SLC36A3: variants seen among roughly 807,000 people sequenced by gnomAD.
The protein encoded by SLC36A3 is proton-coupled amino acid transporter 3.
SLC36A3 carries 35 observed loss-of-function variants against 44.3 expected under a neutral mutation model. The ratio of observed to expected loss-of-function variants is 0.79; its 90% CI spans 0.60 to 1.05. The LOEUF (loss-of-function observed/expected upper bound fraction) is 1.05. SLC36A3 is among the 50% of genes least tolerant of loss of function. The probability of loss-of-function intolerance (pLI) is 0.00; values close to 1 mark genes in which losing one functional copy is unlikely to be tolerated. For missense variants in SLC36A3, 540 were observed against 578.7 expected (o/e 0.93, Z 0.69); for synonymous variants, 211 against 227.6 (o/e 0.93, Z 0.66).
At chr5:151,295,695 A>G (rs900319838) in intron 3 of SLC36A3, among the ~76,000 whole-genome samples, 25 of 152,218 alleles carry the variant, frequency 1.6e-4, no homozygotes, top group Admixed American at 3.3e-4. Context: ...ATTGATTATT[A>G]TAAGTATGCT....
At chr5:151,289,315 T>A (rs935243466) in intron 4 of SLC36A3, among the ~76,000 whole-genome samples, 1 of 152,112 alleles carries the variant, frequency 6.6e-6, no homozygotes, top group Non-Finnish European at 1.5e-5. Context: ...CAATTCTCTC[T>A]AAAGTACCTT....
At chr5:151,294,743 C>A (rs1219908626) in intron 3 of SLC36A3, among the ~76,000 whole-genome samples, 1 of 151,948 alleles carries the variant, frequency 6.6e-6, no homozygotes, top group Non-Finnish European at 1.5e-5. Flanking sequence ...GATTCTCCTG[C>A]CTCAGCCTCC....
intron 9 of SLC36A3, among the ~76,000 whole-genome samples, chr5:151,279,426 T>C (rs10061997): frequency 0.23 from 34,339 of 152,152 alleles, 6,211 homozygotes; most frequent in African/African-American, 0.5. Flanking sequence ...CAATGCCAGG[T>C]ATGTAGTAGG....
chr5:151,290,365 T>C (rs1179873825), intron 4 of SLC36A3, among the ~76,000 whole-genome samples: 1 of 152,184 alleles, frequency 6.6e-6, no homozygotes, highest in Non-Finnish European at 1.5e-5. Flanking sequence ...TTCAGAATAA[T>C]ATCTTTTTCT....
Position 151,296,127 on chromosome 5 carries a change from C to T in SLC36A3, c.308+53G>A, listed in dbSNP as rs982268401. The T allele has an allele frequency of 1.8e-5, 28 of 1,558,236 alleles. No homozygotes were observed. In the African/African-American group the frequency reaches 3.8e-4, roughly 21 times the overall value. On this transcript the variant is annotated intron_variant, in intron 3 of 9. Coordinates refer to ENST00000335230, the MANE Select transcript of SLC36A3 (RefSeq NM_181774.4). Reference sequence around the variant, plus strand: ...GGGTCAGTGGTCAAAAGAAGAGCAACACACCCTCAGAGGGGCCCCAGTGCT... The same window carrying T: ...GGGTCAGTGGTCAAAAGAAGAGCAATACACCCTCAGAGGGGCCCCAGTGCT...
At position 151,298,669 on chromosome 5, in the gene SLC36A3, A is replaced by G. The variant is rs757040190; in HGVS notation, c.143T>C (p.Leu48Ser). The G allele has an allele frequency of 8.1e-6, 13 of 1,614,052 alleles. No homozygotes were observed. In the East Asian group the frequency reaches 1.8e-4, roughly 22 times the overall value. ...GEAGLSMMQT[L>S]IHLLKCNIGT... ...AATGTTGCATTTCAACAAGTGGATC[A>G]AAGTTTGCATCATCCTGTGGTGGGG... The change falls in exon 2 of 10, where the codon TTG becomes TCG. Residue 48 changes from leucine to serine, a missense_variant. Coordinates refer to ENST00000335230, the MANE Select transcript of SLC36A3 (RefSeq NM_181774.4).
chr5:151,280,929 T>G (rs1179436331), intron 9 of SLC36A3, 85 bp downstream of exon 9: 2 of 1,535,900 alleles, frequency 1.3e-6, no homozygotes, highest in African/African-American at 2.7e-5. Flanking sequence ...AGAAGGCAAG[T>G]GGCAGATCCA....
chr5:151,279,785 C>T (rs774010823), intron 9 of SLC36A3, among the ~76,000 whole-genome samples: 1 of 152,224 alleles, frequency 6.6e-6, no homozygotes, highest in South Asian at 2.1e-4. Context: ...TTCTGCTGCA[C>T]AGCTCCAAGC....
chr5:151,283,447 C>A (rs1754403326), intron 8 of SLC36A3, among the ~76,000 whole-genome samples: 1 of 152,192 alleles, frequency 6.6e-6, no homozygotes, highest in South Asian at 2.1e-4. Context: ...CTGTCCAAGG[C>A]AGCTAGTGAC....
rs1414376561 is a variant in SLC36A3, at chr5:151,284,700, A to T, written c.720T>A (p.Tyr240Ter). Residue 240 changes from tyrosine to a stop codon, truncating the protein, a stop_gained, in exon 7 of 10, where the codon TAT (tyrosine) becomes TAA (stop). Transcript: ENST00000335230. LOFTEE classifies it high-confidence loss of function. ...TTGCCATCAAGGGTAGGTTGCTGGG[A>T]TATGGAATCCCCTAAAAGAAAGTGG... ...IFEYIMEGIP[Y>*]PSNLPLMANW... 1 of 1,612,572 alleles carries T rather than the reference A, an allele frequency of 6.2e-7. No homozygotes were observed. Among genetic ancestry groups the T allele is most frequent in the Non-Finnish European group, 8.5e-7 (1 of 1,179,110 alleles).
intron 8 of SLC36A3, among the ~76,000 whole-genome samples, chr5:151,283,551 A>G (rs1005905390): frequency 6.6e-6 from 1 of 152,208 alleles, no homozygotes; most frequent in Non-Finnish European, 1.5e-5. Flanking sequence ...TTATTGTCTC[A>G]TCTAGTCATT....
At chr5:151,299,258 CTCTCTCTATATATATATATA>C (rs1391890220) in intron 1 of SLC36A3, among the ~76,000 whole-genome samples, 30 of 68,058 alleles carry the variant, frequency 4.4e-4, no homozygotes, top group African/African-American at 1.2e-3. Flanking sequence ...CTCTCTCTCT[CTCTCTCTATATATATATATA>C]TATATATATA....
chr5:151,287,469 C>A lies in SLC36A3; in HGVS notation c.490-5G>T, dbSNP rs749853269. On this transcript the variant is annotated splice_polypyrimidine_tract_variant and splice_region_variant and intron_variant, in intron 5 of 9. Coordinates refer to ENST00000335230, the MANE Select transcript of SLC36A3 (RefSeq NM_181774.4). The stretch of plus-strand genomic sequence containing the variant: ...CACGTGGGCTTTTTCCACCATCTGA[C>A]ATAAAGCACAATGACAGGCAGTGTG... 6.2e-7 allele frequency: 1 copy of A among 1,613,440 alleles called. No homozygotes were observed. The highest frequency in any genetic ancestry group is 8.5e-7 in the Non-Finnish European group (1 of 1,179,504).
At chr5:151,284,790 G>A in intron 6 of SLC36A3, 79 bp from the exon 7 acceptor site, 1 of 1,006,726 alleles carries the variant, frequency 9.9e-7, no homozygotes, top group Non-Finnish European at 1.5e-6. Flanking sequence ...TAGAAAGCTG[G>A]GTCACACCTG....
chr5:151,278,857 A>T lies in SLC36A3; in HGVS notation c.1145-1196T>A, dbSNP rs78808611. 1.1e-3 allele frequency among the ~76,000 whole-genome samples: 164 copies of T among 152,336 alleles called. 4 individuals carry two copies. The East Asian group carries it at 0.029, about 27-fold the overall frequency. ...CAGTCTTCCAGGAAAGCTCACAACG[A>T]GGAGGCAGAGAAGATACATGCAAGA... On this transcript the variant is annotated intron_variant, in intron 9 of 9. Transcript: ENST00000335230.
chr5:151,281,247 A>C, intron 8 of SLC36A3, 64 bp from the exon 9 acceptor site: 2 of 1,501,312 alleles, frequency 1.3e-6, no homozygotes. Context: ...TTGAGGACTC[A>C]CTTACTGCTC....
At chr5:151,278,128 A>C (rs999034613) in intron 9 of SLC36A3, among the ~76,000 whole-genome samples, 3 of 152,224 alleles carry the variant, frequency 2.0e-5, no homozygotes, top group African/African-American at 7.2e-5. Flanking sequence ...GCTCAGAACC[A>C]ACATTTGTAG....
At chr5:151,297,611 TCAGA>T (rs1364955743) in intron 2 of SLC36A3, 1 of 152,200 alleles carries the variant, frequency 6.6e-6, no homozygotes, top group Non-Finnish European at 1.5e-5. Flanking sequence ...CAAAGGGAAA[TCAGA>T]CAGTTCTTGC....
Position 151,303,400 on chromosome 5 carries a change from G to A in SLC36A3, c.-46C>T. 6.3e-7 allele frequency: 1 copy of A among 1,581,038 alleles called. No homozygotes were observed. Among genetic ancestry groups the A allele is most frequent in the Non-Finnish European group, 8.6e-7 (1 of 1,158,836 alleles). ...GGCAGAGGCTCAGGGTTAAGGCTCT[G>A]AATGAGCCTCTGATGGGTCTTTCTC... On this transcript the variant is annotated 5_prime_UTR_variant, in exon 1 of 10. Coordinates refer to ENST00000335230, the MANE Select transcript of SLC36A3 (RefSeq NM_181774.4).
Sources: allele counts gnomAD v4.1 joint callset (sites outside exome capture counted in the v4.1 genomes callset), GRCh38; gene constraint gnomAD v4.1.1; transcripts MANE v1.5; gene names NCBI Gene and HGNC (gene_info 2026-07-23, HGNC 2026-07-21).